MPHOSPH10: variants seen among roughly 807,000 people sequenced by gnomAD.
The protein encoded by MPHOSPH10 is M-phase phosphoprotein 10, also known as U3 small nucleolar ribonucleoprotein MPP10.
Under a neutral mutation model 77.3 loss-of-function variants are expected in MPHOSPH10, and 33 were observed. The observed-to-expected ratio is 0.43, with a 90% CI of 0.32 to 0.57. The LOEUF (loss-of-function observed/expected upper bound fraction) is 0.57, where lower values mean the gene tolerates loss of function less well. Among genes scored for constraint, MPHOSPH10 ranks in the 20% least tolerant of loss-of-function variants. MPHOSPH10 has a pLI of 0.07. For missense variants in MPHOSPH10, 708 were observed against 780.1 expected (o/e 0.91, Z 1.10); for synonymous variants, 245 against 268.0 (o/e 0.91, Z 0.84).
chr2:71,148,623 C>G (rs1264433205), intron 9 of MPHOSPH10: 1 of 158,570 alleles, frequency 6.3e-6, no homozygotes, highest in African/African-American at 2.4e-5. Flanking sequence ...GCTCATCTTC[C>G]TGGCTGGCTT....
At chr2:71,148,370 A>G (rs1053609944) in intron 9 of MPHOSPH10, 7 of 318,526 alleles carry the variant, frequency 2.2e-5, no homozygotes, top group Non-Finnish European at 3.5e-5. Flanking sequence ...TTATAATCCA[A>G]TCTGAATACT....
At chr2:71,137,820 C>G (rs996319823) in intron 4 of MPHOSPH10, among the ~76,000 whole-genome samples, 9 of 152,108 alleles carry the variant, frequency 5.9e-5, no homozygotes, top group Non-Finnish European at 1.2e-4. Flanking sequence ...AAAAGGCTGG[C>G]ATTTTATACA....
At chr2:71,145,291 T>C (rs13432014) in intron 8 of MPHOSPH10, among the ~76,000 whole-genome samples, 2,737 of 152,322 alleles carry the variant, frequency 0.018, 89 homozygotes, top group African/African-American at 0.062. Flanking sequence ...AAATGGAATG[T>C]CATGAATTAA....
chr2:71,144,215 A>G (rs1004412945), intron 7 of MPHOSPH10: 11 of 443,704 alleles, frequency 2.5e-5, no homozygotes, highest in Non-Finnish European at 3.6e-5. Context: ...ATTAGAGGTA[A>G]TGGTTACTGT....
At chr2:71,132,717 G>T (rs1242283100) in intron 1 of MPHOSPH10, among the ~76,000 whole-genome samples, 181 bp from the exon 2 acceptor site, 9 of 152,144 alleles carry the variant, frequency 5.9e-5, no homozygotes, top group Admixed American at 5.2e-4. Flanking sequence ...ACAGATACTT[G>T]GTTGACAGGT....
At chr2:71,143,375 C>A (rs895542554) in intron 7 of MPHOSPH10, among the ~76,000 whole-genome samples, 13 of 152,096 alleles carry the variant, frequency 8.5e-5, no homozygotes, top group African/African-American at 3.1e-4. Context: ...TCGTGATCCT[C>A]CCGCCTCGGC....
At chr2:71,134,149 C>G (rs985585013) in intron 3 of MPHOSPH10, 44 bp downstream of exon 3, 27 of 1,559,478 alleles carry the variant, frequency 1.7e-5, no homozygotes, top group Non-Finnish European at 2.2e-5. Flanking sequence ...CTGGAATTGC[C>G]CAATCATGTG....
intron 3 of MPHOSPH10, 107 bp from the exon 4 acceptor site, chr2:71,134,519 T>G (rs541736528): frequency 1.0e-6 from 1 of 974,406 alleles, no homozygotes; most frequent in South Asian, 1.6e-5. Context: ...AGTATTTGGT[T>G]GCATTAGGTA....
intron 1 of MPHOSPH10, chr2:71,130,964 GA>G (rs1156559829): frequency 1.4e-5 from 8 of 561,256 alleles, no homozygotes; most frequent in Non-Finnish European, 6.3e-6. Context: ...GAGTGTTACT[GA>G]AATCACTCTA....
At chr2:71,133,877 C>G in intron 2 of MPHOSPH10, 71 bp from the exon 3 acceptor site, 2 of 1,092,866 alleles carry the variant, frequency 1.8e-6, no homozygotes, top group Non-Finnish European at 2.6e-6. Flanking sequence ...AATATACATG[C>G]AAATCTATAT....
intron 4 of MPHOSPH10, among the ~76,000 whole-genome samples, chr2:71,135,121 G>T (rs563251672): frequency 6.8e-4 from 103 of 152,332 alleles, no homozygotes; most frequent in Admixed American, 3.9e-4. Flanking sequence ...AGCTAAGATT[G>T]CATCACTGCT....
rs1384551545 is a variant in MPHOSPH10 at position 71,149,103 on chromosome 2, T to G, written c.1666-120T>G. 3.5e-6 allele frequency: 3 copies of G among 845,600 alleles called. No homozygotes were observed. The East Asian group carries it at 8.0e-5, about 22-fold the overall frequency. 52.4% of individuals were successfully genotyped at this position (845,600 alleles called of 1,614,324 possible). ...ATGCAGGTGGGGATTGCTCTGCATCTTTGTGCATTTGGCCACAGATGCACA... is the reference window on the plus strand; with the variant it reads ...ATGCAGGTGGGGATTGCTCTGCATCGTTGTGCATTTGGCCACAGATGCACA... On this transcript the variant is annotated intron_variant, in intron 9 of 10. Transcript: ENST00000244230.
At chr2:71,132,461 C>T (rs1240252724) in intron 1 of MPHOSPH10, among the ~76,000 whole-genome samples, 1 of 152,188 alleles carries the variant, frequency 6.6e-6, no homozygotes, top group Non-Finnish European at 1.5e-5. Flanking sequence ...GCCTGGAATA[C>T]ATGTTTCCCA....
intron 4 of MPHOSPH10, among the ~76,000 whole-genome samples, chr2:71,136,384 G>A (rs188363784): frequency 2.6e-5 from 4 of 152,176 alleles, no homozygotes; most frequent in Admixed American, 6.5e-5. Flanking sequence ...GAATGGTAGT[G>A]TGTGCCTATA....
At chr2:71,131,093 A>G (rs1270771287) in intron 1 of MPHOSPH10, among the ~76,000 whole-genome samples, 2 of 152,172 alleles carry the variant, frequency 1.3e-5, no homozygotes, top group Non-Finnish European at 2.9e-5. Flanking sequence ...AGCGCTTAGC[A>G]TACTTTATTG....
At chr2:71,140,156 C>T (rs1244749100) in intron 6 of MPHOSPH10, among the ~76,000 whole-genome samples, 2 of 152,098 alleles carry the variant, frequency 1.3e-5, no homozygotes, top group African/African-American at 4.8e-5. Context: ...ATGGTTGCAC[C>T]CAGAACCCTT....
rs776704638 is a variant in MPHOSPH10, at chr2:71,138,503, T to C, written c.1112T>C (p.Ile371Thr). The change falls in exon 5 of 11, where the codon ATT (isoleucine) becomes ACT (threonine). Residue 371 changes from isoleucine to threonine, a missense_variant. Physicochemically the swap from Ile to Thr is moderately conservative, Grantham distance 89. Around this residue, in one of 3 missense-constraint regions of MPHOSPH10, gnomAD observed 433 missense variants for 432.6 expected, o/e 1.00. Transcript: ENST00000244230. Reference sequence around the variant, plus strand: ...TCTCTTTCTTAGATGAATGAAAAAATTGCATCTTTAGAAAAAGAGTTGTTA... The same window carrying C: ...TCTCTTTCTTAGATGAATGAAAAAACTGCATCTTTAGAAAAAGAGTTGTTA... ...EKRQEKMNEK[I>T]ASLEKELLEK... 6.3e-7 allele frequency: 1 copy of C among 1,581,798 alleles called. No homozygotes were observed. Among genetic ancestry groups the C allele is most frequent in the Non-Finnish European group, 8.6e-7 (1 of 1,165,502 alleles).
chr2:71,141,727 T>TAGG (rs2103673844), intron 7 of MPHOSPH10, among the ~76,000 whole-genome samples: 2 of 152,276 alleles, frequency 1.3e-5, no homozygotes, highest in Admixed American at 1.3e-4. Flanking sequence ...TGTTTTTTCT[T>TAGG]TCACTTAACT....
At chr2:71,147,807 G>A (rs1673747992) in intron 8 of MPHOSPH10, among the ~76,000 whole-genome samples, 192 bp from the exon 9 acceptor site, 1 of 152,160 alleles carries the variant, frequency 6.6e-6, no homozygotes, top group Admixed American at 6.5e-5. Context: ...GTCCACTTAG[G>A]ACTTTGGCTG....
Sources: gnomAD v4.1 joint callset for allele counts (sites outside exome capture counted in the v4.1 genomes callset) on GRCh38, gnomAD v4.1.1 for gene constraint, gnomAD v4.1.1 regional missense constraint, MANE v1.5 for transcripts, NCBI Gene and HGNC (gene_info 2026-07-23, HGNC 2026-07-21) for gene names.